Variants in KAZN observed in about 807,000 individuals in gnomAD.
KAZN encodes the protein kazrin, periplakin interacting protein, also known as kazrin.
In KAZN, 40 loss-of-function variants were observed where a neutral mutation model predicts 87.4. The observed-to-expected ratio is 0.46, with a 90% CI of 0.36 to 0.60. The LOEUF (loss-of-function observed/expected upper bound fraction) is 0.60. KAZN is among the 20% of genes least tolerant of loss of function. The pLI is 0.00. For synonymous variants in KAZN, 466 were observed against 458.3 expected (o/e 1.02, Z -0.22); for missense variants, 898 against 1,073.9 (o/e 0.84, Z 2.29).
At chr1:14,420,992 G>C (rs925640606) in intron 2 of KAZN, among the ~76,000 whole-genome samples, 1 of 151,286 alleles carries the variant, frequency 6.6e-6, no homozygotes, top group African/African-American at 2.4e-5. Flanking sequence ...TGCAGCGGTG[G>C]GCTGAAGGGC....
chr1:14,929,654 C>T (rs1038289470), intron 1 of KAZN: 3 of 528,606 alleles, frequency 5.7e-6, no homozygotes, highest in African/African-American at 4.2e-5. Flanking sequence ...CTGGGGATCC[C>T]GTGTTTGCTG....
At chr1:14,442,203 T>G (rs1027128486) in intron 2 of KAZN, among the ~76,000 whole-genome samples, 4 of 152,200 alleles carry the variant, frequency 2.6e-5, no homozygotes, top group African/African-American at 9.6e-5. Flanking sequence ...CATTTGAAAA[T>G]TACAAGGTGT....
At chr1:15,046,295 C>G (rs1418390305) in intron 4 of KAZN, among the ~76,000 whole-genome samples, 2 of 35,686 alleles carry the variant, frequency 5.6e-5, no homozygotes, top group African/African-American at 2.9e-4. Context: ...AAGACTCCGT[C>G]TCAAAAAAAA....
chr1:14,425,105 G>T (rs72870862), intron 2 of KAZN, among the ~76,000 whole-genome samples: 339 of 152,308 alleles, frequency 2.2e-3, no homozygotes, highest in African/African-American at 8.0e-3. Flanking sequence ...AGGAGGTTGG[G>T]AGGGGAGAGT....
At chr1:14,576,879 C>T (rs1252830999) in intron 2 of KAZN, among the ~76,000 whole-genome samples, 1 of 152,208 alleles carries the variant, frequency 6.6e-6, no homozygotes, top group South Asian at 2.1e-4. Flanking sequence ...AATTTGTCTA[C>T]TCCTCCCATA....
At chr1:14,098,041 T>A (rs79731485) in intron 1 of KAZN, among the ~76,000 whole-genome samples, 5,475 of 152,144 alleles carry the variant, frequency 0.036, 341 homozygotes, top group African/African-American at 0.12. Flanking sequence ...ATTTTTTTTT[T>A]TTATTATCTC....
chr1:14,525,680 G>GA (rs1671824338), intron 2 of KAZN, among the ~76,000 whole-genome samples: 1 of 146,276 alleles, frequency 6.8e-6, no homozygotes, highest in East Asian at 2.0e-4. Flanking sequence ...ATTTCCCATA[G>GA]GAAAAAAAAT....
At chr1:14,460,914 C>T (rs16850285) in intron 2 of KAZN, among the ~76,000 whole-genome samples, 10,303 of 152,240 alleles carry the variant, frequency 0.068, 496 homozygotes, top group East Asian at 0.25. Flanking sequence ...AACTGAGTCT[C>T]AGAAATGTGA....
chr1:15,063,652 C>T (rs1458091436), intron 7 of KAZN, 30 bp downstream of exon 7: 1 of 1,550,138 alleles, frequency 6.5e-7, no homozygotes, highest in Admixed American at 1.7e-5. Context: ...CCACTTGAAC[C>T]CTCCCTCCAC....
upstream of KAZN, among the ~76,000 whole-genome samples, chr1:14,597,819 C>T (rs1397798889): frequency 6.6e-6 from 1 of 152,028 alleles, no homozygotes. Context: ...GAATCCAGGG[C>T]CCCAGTGAAA....
chr1:14,399,805 A>T (rs917236580), intron 2 of KAZN, among the ~76,000 whole-genome samples: 2 of 148,278 alleles, frequency 1.3e-5, no homozygotes, highest in African/African-American at 4.9e-5. Context: ...CCGAGGCTCT[A>T]CTCATCAATT....
chr1:13,959,772 T>C (rs1037828399), intron 1 of KAZN, among the ~76,000 whole-genome samples: 2 of 152,168 alleles, frequency 1.3e-5, no homozygotes, highest in African/African-American at 4.8e-5. Flanking sequence ...ATTACCAAAT[T>C]AAGGCAGCCT....
In KAZN at chr1:14,645,679, A is replaced by G. The variant is rs529614293; in HGVS notation, c.226+46456A>G. On this transcript the variant is annotated intron_variant, in intron 1 of 14. Coordinates refer to ENST00000376030, the MANE Select transcript of KAZN (RefSeq NM_201628.3). Reference sequence around the variant, plus strand: ...TATGGTGTTTTCTAGATACAGAATCATGTCGTCTGCCAACAGGGGTAGTTT... The same window carrying G: ...TATGGTGTTTTCTAGATACAGAATCGTGTCGTCTGCCAACAGGGGTAGTTT... Among the ~76,000 whole-genome samples, 5 of 152,342 alleles carry G rather than the reference A, an allele frequency of 3.3e-5. No homozygotes were observed. In the South Asian group the frequency reaches 6.2e-4, roughly 19 times the overall value.
chr1:15,091,439 G>A (rs1309423058), intron 8 of KAZN, among the ~76,000 whole-genome samples: 3 of 152,184 alleles, frequency 2.0e-5, no homozygotes, highest in African/African-American at 4.8e-5. Flanking sequence ...CTGCCTCCCA[G>A]GTTCAAGTGA....
rs984144643 is a variant in KAZN, at chr1:14,163,916, C to T, written c.92-16519C>T. Among the ~76,000 whole-genome samples, 3 of 152,188 alleles carry T rather than the reference C, an allele frequency of 2.0e-5. No individual in the cohort carries two copies. The South Asian group carries it at 6.2e-4, about 32-fold the overall frequency. On this transcript the variant is annotated intron_variant, in intron 1 of 16. Transcript: ENST00000636203. ...CACATTTTCCTCGGTTTTCCTTATG[C>T]CCTCACCAGCAGCTTCTGTGAGGAC... is the stretch of plus-strand genomic sequence containing the variant.
intron 2 of KAZN, among the ~76,000 whole-genome samples, chr1:14,319,641 C>T (rs1655912853): frequency 6.6e-6 from 1 of 152,172 alleles, no homozygotes; most frequent in Admixed American, 6.5e-5. Flanking sequence ...GATCCTCCTC[C>T]CTTCTCGACA....
At chr1:14,962,745 A>C (rs895488458) in intron 2 of KAZN, among the ~76,000 whole-genome samples, 4 of 152,030 alleles carry the variant, frequency 2.6e-5, no homozygotes, top group African/African-American at 7.3e-5. Context: ...GCCAACCTCC[A>C]CGTCTTTGAC....
At chr1:14,742,243 G>C (rs1488087473) in intron 1 of KAZN, among the ~76,000 whole-genome samples, 1 of 152,192 alleles carries the variant, frequency 6.6e-6, no homozygotes, top group Admixed American at 6.5e-5. Context: ...AGAGGGCCTG[G>C]CTCATAGTAG....
At chr1:14,254,586 G>T (rs905189470) in intron 2 of KAZN, among the ~76,000 whole-genome samples, 1 of 152,090 alleles carries the variant, frequency 6.6e-6, no homozygotes, top group Non-Finnish European at 1.5e-5. Context: ...AATAAATTAT[G>T]ATGTCCGCCC....
Sources: gnomAD v4.1 joint callset for allele counts (sites outside exome capture counted in the v4.1 genomes callset) on GRCh38, gnomAD v4.1.1 for gene constraint, MANE v1.5 for transcripts, NCBI Gene and HGNC (gene_info 2026-07-23, HGNC 2026-07-21) for gene names.